RASL10B: variants seen among roughly 807,000 people sequenced by gnomAD.
RASL10B encodes the protein RAS like family 10 member B, also known as ras-like protein family member 10B.
Under a neutral mutation model 20.7 loss-of-function variants are expected in RASL10B, and 10 were observed. The ratio of observed to expected loss-of-function variants is 0.48; its 90% CI spans 0.30 to 0.82. The LOEUF is 0.82. Among genes scored for constraint, RASL10B ranks in the 40% least tolerant of loss-of-function variants. The pLI, the probability that RASL10B is intolerant of heterozygous loss-of-function variation, is 0.07. For missense variants in RASL10B, 231 were observed against 295.4 expected (o/e 0.78, Z 1.60); for synonymous variants, 110 against 123.3 (o/e 0.89, Z 0.72).
chr17:35,743,197 A>AGAGG lies in RASL10B; in HGVS notation c.*1896_*1899dup, dbSNP rs2085641338. The AGAGG allele has an allele frequency of 6.5e-6, 1 of 152,832 alleles. No homozygotes were observed. The highest frequency in any genetic ancestry group is 6.5e-5 in the Admixed American group (1 of 15,278). The allele number at this position is 152,832 out of a possible 1,614,324, so 9.5% of individuals were successfully genotyped here. ...CTGCACCCCTGCCCCCTGGTTCACC[A>AGAGG]GAGGGAGCGGATGAAGGATGGCAGC... On this transcript the variant is annotated 3_prime_UTR_variant, in exon 4 of 4. Coordinates refer to ENST00000603017, the MANE Select transcript of RASL10B (RefSeq NM_033315.4).
Position 35,741,036 on chromosome 17 carries a change from G to A in RASL10B, c.343G>A (p.Val115Met). ...TGAGCTGCCTGCCTCGCCCCACAGG[G>A]TGATCGGAACCTCAGAGACGCCCAT... is the stretch of plus-strand genomic sequence containing the variant. ...TIRQQILETR[V>M]IGTSETPIII... Residue 115 changes from valine to methionine, a missense_variant and splice_region_variant, in exon 4 of 4, where the codon GTG becomes ATG. By Grantham distance (21) the Val-to-Met change is conservative. Transcript: ENST00000603017. 6.3e-7 allele frequency: 1 copy of A among 1,597,654 alleles called. No individual in the cohort carries two copies. Among genetic ancestry groups the A allele is most frequent in the Non-Finnish European group, 8.6e-7 (1 of 1,168,876 alleles).
intron 2 of RASL10B, among the ~76,000 whole-genome samples, chr17:35,737,728 T>G (rs1395339153): frequency 6.6e-6 from 1 of 151,654 alleles, no homozygotes; most frequent in Non-Finnish European, 1.5e-5. Flanking sequence ...ATGACAAAAC[T>G]CCGTCTCTAC....
chr17:35,741,043 G>A lies in RASL10B; in HGVS notation c.350G>A (p.Gly117Glu). The A allele has an allele frequency of 9.4e-6, 15 of 1,602,190 alleles. No homozygotes were observed. The highest frequency in any genetic ancestry group is 1.3e-5 in the Non-Finnish European group (15 of 1,171,844). The change falls in exon 4 of 4, where the codon GGA becomes GAA. Residue 117 changes from glycine (G) to glutamate (E), a missense_variant. Gly to Glu is a moderately conservative substitution (Grantham distance 98). Transcript: ENST00000603017. ...CCTGCCTCGCCCCACAGGGTGATCG[G>A]AACCTCAGAGACGCCCATCATCATC... is the stretch of plus-strand genomic sequence containing the variant. The part of the protein sequence containing the change: ...RQQILETRVI[G>E]TSETPIIIVG...
intron 3 of RASL10B, 75 bp downstream of exon 3, chr17:35,740,608 C>G (rs2085623272): frequency 2.0e-5 from 30 of 1,528,402 alleles, no homozygotes; most frequent in African/African-American, 2.7e-5. Flanking sequence ...GAAAAGGGCA[C>G]AGTATAGGGA....
At chr17:35,734,225 G>T (rs1420088520) in intron 1 of RASL10B, among the ~76,000 whole-genome samples, 1 of 152,242 alleles carries the variant, frequency 6.6e-6, no homozygotes, top group African/African-American at 2.4e-5. Context: ...GGTGAAGGCT[G>T]CAGTGAGTCG....
intron 2 of RASL10B, among the ~76,000 whole-genome samples, chr17:35,739,031 T>C (rs1463124731): frequency 4.6e-5 from 7 of 152,190 alleles, no homozygotes; most frequent in African/African-American, 1.7e-4. Context: ...CCTATGGTTT[T>C]AGGTTTGTCC....
rs957635599 is a variant in RASL10B, at chr17:35,735,245, G to A, written c.61G>A (p.Val21Met). 10 of 1,613,414 alleles carry A rather than the reference G, an allele frequency of 6.2e-6. No homozygotes were observed. Among genetic ancestry groups the A allele is most frequent in the Non-Finnish European group, 7.6e-6 (9 of 1,180,026 alleles). Reference protein sequence around the residue: ...GARGVGKSAIVRQFLYNEFSE... With the variant: ...GARGVGKSAIMRQFLYNEFSE... ...GCGAGGTGTGGGCAAGAGTGCCATCGTGCGCCAGTTCTTGTACAACGAGTT... is the reference window on the plus strand; with the variant it reads ...GCGAGGTGTGGGCAAGAGTGCCATCATGCGCCAGTTCTTGTACAACGAGTT... The change falls in exon 2 of 4, where the codon GTG (valine) becomes ATG (methionine). Residue 21 changes from valine to methionine, a missense_variant. Val to Met is a conservative substitution (Grantham distance 21). Transcript: ENST00000603017. The surrounding 1 kb of genome is among the most constrained non-coding windows in gnomAD (Gnocchi z 6.7).
intron 3 of RASL10B, 97 bp from the exon 4 acceptor site, chr17:35,740,938 A>G: frequency 9.9e-7 from 1 of 1,010,140 alleles, no homozygotes; most frequent in South Asian, 1.6e-5. Context: ...AGCAGAACCT[A>G]CGGTGGTGGT....
Position 35,735,303 on chromosome 17 carries a change from G to C in RASL10B, c.119G>C (p.Arg40Pro). 1 of 1,614,028 alleles carries C rather than the reference G, an allele frequency of 6.2e-7. No individual in the cohort carries two copies. The highest frequency in any genetic ancestry group is 8.5e-7 in the Non-Finnish European group (1 of 1,180,036). The change falls in exon 2 of 4, where the codon CGC (arginine) becomes CCC (proline). Residue 40 changes from arginine to proline, a missense_variant. Physicochemically the swap from Arg to Pro is moderately radical, Grantham distance 103. Transcript: ENST00000603017. This position sits in a 1 kb window ranked among gnomAD's most constrained non-coding sequence, Gnocchi z 6.7. ...GTCTGCGTCCCCACCACCGCCCGCC[G>C]CCTTTACCTGCCTGCTGTCGTCATG... ...SEVCVPTTAR[R>P]LYLPAVVMNG...
In RASL10B at chr17:35,742,670, G is replaced by A. The variant is rs2085637431; in HGVS notation, c.*1365G>A. 6.5e-6 allele frequency: 1 copy of A among 152,708 alleles called. No homozygotes were observed. Among genetic ancestry groups the A allele is most frequent in the Non-Finnish European group, 1.5e-5 (1 of 68,114 alleles). The allele number at this position is 152,708 out of a possible 1,614,324, so 9.5% of individuals were successfully genotyped here. A position where few individuals can be genotyped will look rare whatever the true frequency, so the allele number is the denominator to read the frequency against. ...ATGGGGGACTTGGAGGGAGGGACAA[G>A]TGGTGCCCTGTCCCCTGCTCCCCTG... On this transcript the variant is annotated 3_prime_UTR_variant, in exon 4 of 4. Coordinates refer to ENST00000603017, the MANE Select transcript of RASL10B (RefSeq NM_033315.4).
Position 35,740,415 on chromosome 17 carries a change from G to A in RASL10B, c.223G>A (p.Ala75Thr), listed in dbSNP as rs1555597722. The change falls in exon 3 of 4, where the codon GCA becomes ACA. Residue 75 changes from alanine (A) to threonine (T), a missense_variant. By Grantham distance (58) the Ala-to-Thr change is moderately conservative. Coordinates refer to ENST00000603017, the MANE Select transcript of RASL10B (RefSeq NM_033315.4). ...CTGGCTGGGGATATTGCAGGAGTGG[G>A]CAGACACCTGCTGCAGGGGACTCCG... ...AFPVNTLQEW[A>T]DTCCRGLRSV... 1.9e-6 allele frequency: 3 copies of A among 1,613,508 alleles called. No homozygotes were observed. Among genetic ancestry groups the A allele is most frequent in the Non-Finnish European group, 8.5e-7 (1 of 1,179,764 alleles).
intron 3 of RASL10B, 132 bp downstream of exon 3, chr17:35,740,665 A>G: frequency 9.0e-7 from 1 of 1,109,930 alleles, no homozygotes; most frequent in Non-Finnish European, 1.3e-6. Flanking sequence ...CATACACTCA[A>G]ACATGCATAC....
chr17:35,735,054 A>C lies in RASL10B; in HGVS notation c.-131A>C. On this transcript the variant is annotated 5_prime_UTR_variant, in exon 2 of 4. Coordinates refer to ENST00000603017, the MANE Select transcript of RASL10B (RefSeq NM_033315.4). The surrounding 1 kb of genome is among the most constrained non-coding windows in gnomAD (Gnocchi z 6.7). ...TCCCCACAGTCCAGGTGGAGGCCGC[A>C]GAGGGCCCAGGGCAAGCAGAGGCAG... 4 of 897,890 alleles carry C rather than the reference A, an allele frequency of 4.5e-6. No homozygotes were observed. Among genetic ancestry groups the C allele is most frequent in the Middle Eastern group, 3.4e-4 (1 of 2,946 alleles). 55.6% of individuals were successfully genotyped at this position (897,890 alleles called of 1,614,324 possible).
At chr17:35,734,598 A>AT (rs1439434493) in intron 1 of RASL10B, among the ~76,000 whole-genome samples, 1 of 152,088 alleles carries the variant, frequency 6.6e-6, no homozygotes, top group Non-Finnish European at 1.5e-5. Context: ...ATGTCCTGCA[A>AT]TGTGTGGGCA....
In RASL10B at chr17:35,736,197, TGAGAG is replaced by T. The variant is rs587599797; in HGVS notation, c.216+799_216+803del. On this transcript the variant is annotated intron_variant, in intron 2 of 3. Coordinates refer to ENST00000603017, the MANE Select transcript of RASL10B (RefSeq NM_033315.4). ...TCTTGCCCTCTCTCAACCTCTGACT[TGAGAG>T]GGAGTGGAGAGAAAAAGGAAGCTGA... Among the ~76,000 whole-genome samples, 552 of 152,214 alleles carry T rather than the reference TGAGAG, an allele frequency of 3.6e-3. 5 individuals are homozygous for T. The highest frequency in any genetic ancestry group is 0.012 in the African/African-American group (498 of 41,520).
At position 35,741,434 on chromosome 17, in the gene RASL10B, G is replaced by A; in HGVS notation, c.*129G>A. ...CCCGGCCTGAGGCCCCTGCAGCCAC[G>A]CACCTCCCGGTGAGAAGCAGAGCGC... On this transcript the variant is annotated 3_prime_UTR_variant, in exon 4 of 4. Coordinates refer to ENST00000603017, the MANE Select transcript of RASL10B (RefSeq NM_033315.4). 2.3e-6 allele frequency: 3 copies of A among 1,283,150 alleles called. No homozygotes were observed. The highest frequency in any genetic ancestry group is 3.0e-6 in the Non-Finnish European group (3 of 993,958). The allele number at this position is 1,283,150 out of a possible 1,614,324, so 79.5% of individuals were successfully genotyped here.
chr17:35,739,526 C>A (rs1401690369), intron 2 of RASL10B, among the ~76,000 whole-genome samples: 2 of 152,204 alleles, frequency 1.3e-5, no homozygotes, highest in East Asian at 3.8e-4. Context: ...CTGTACCCCC[C>A]AATCCCTTGA....
chr17:35,732,656 A>G (rs1156358214), intron 1 of RASL10B, among the ~76,000 whole-genome samples: 2 of 151,884 alleles, frequency 1.3e-5, no homozygotes, highest in East Asian at 3.9e-4. Context: ...CCCCTCTTGC[A>G]TTTCCCTGCC....
rs913951622 is a variant in RASL10B at position 35,731,829 on chromosome 17, A to C, written c.-197A>C. The C allele has an allele frequency of 6.6e-6, 1 of 151,396 alleles. No individual in the cohort carries two copies. Among genetic ancestry groups the C allele is most frequent in the East Asian group, 2.0e-4 (1 of 5,118 alleles). 9.4% of individuals were successfully genotyped at this position (151,396 alleles called of 1,614,324 possible). A position where few individuals can be genotyped will look rare whatever the true frequency, so the allele number is the denominator to read the frequency against. On this transcript the variant is annotated 5_prime_UTR_variant, in exon 1 of 4. Coordinates refer to ENST00000603017, the MANE Select transcript of RASL10B (RefSeq NM_033315.4). ...CAGCGCCGGAGCCCGGGGGGAGCTC[A>C]GCCCCGCCGACCGGCCGGCCAGGGC...
Sources: allele counts gnomAD v4.1 joint callset (sites outside exome capture counted in the v4.1 genomes callset), GRCh38; gene constraint gnomAD v4.1.1; non-coding constraint Gnocchi (gnomAD v3.1); transcripts MANE v1.5; gene names NCBI Gene and HGNC (gene_info 2026-07-23, HGNC 2026-07-21).